CAPZA2: variants seen among roughly 807,000 people sequenced by gnomAD.
CAPZA2 encodes the protein F-actin-capping protein subunit alpha-2.
Under a neutral mutation model 44.0 loss-of-function variants are expected in CAPZA2, and 13 were observed. The ratio of observed to expected loss-of-function variants is 0.30; its 90% CI spans 0.19 to 0.47. CAPZA2 has a LOEUF of 0.47. CAPZA2 is among the 20% of genes least tolerant of loss of function. The pLI, the probability that CAPZA2 is intolerant of heterozygous loss-of-function variation, is 1.00. For synonymous variants in CAPZA2, 94 were observed against 108.2 expected, an observed-to-expected ratio of 0.87 and a Z score of 0.81; for missense variants, 244 against 338.6, an observed-to-expected ratio of 0.72 and a Z score of 2.19.
chr7:116,910,452 G>A, intron 7 of CAPZA2, 141 bp downstream of exon 7: 1 of 595,582 alleles, frequency 1.7e-6, no homozygotes, highest in Non-Finnish European at 3.0e-6. Context: ...AAACAATAGT[G>A]CTGTTTTAAA....
At chr7:116,894,225 G>A (rs1796894847) in intron 3 of CAPZA2, among the ~76,000 whole-genome samples, 1 of 152,132 alleles carries the variant, frequency 6.6e-6, no homozygotes, top group African/African-American at 2.4e-5. Context: ...AGCTGAGCAT[G>A]GTGGCACATT....
intron 9 of CAPZA2, 130 bp from the exon 10 acceptor site, chr7:116,917,597 A>AT (rs1791698483): frequency 1.4e-6 from 1 of 716,258 alleles, no homozygotes; most frequent in African/African-American, 1.8e-5. Context: ...CAATGTTGGG[A>AT]TTTTATTTGA....
intron 1 of CAPZA2, chr7:116,876,249 C>CA (rs34563707): frequency 0.29 from 25,638 of 88,780 alleles, 2,592 homozygotes; most frequent in East Asian, 0.39. Flanking sequence ...GACTCCATCT[C>CA]AAAAAAAAAA....
At chr7:116,876,952 G>A (rs571989588) in intron 1 of CAPZA2, among the ~76,000 whole-genome samples, 16 of 152,338 alleles carry the variant, frequency 1.1e-4, no homozygotes, top group Admixed American at 2.0e-4. Flanking sequence ...TTCTCAGGAC[G>A]TGATCCATTC....
At chr7:116,877,966 A>G (rs1299428803) in intron 1 of CAPZA2, among the ~76,000 whole-genome samples, 1 of 152,218 alleles carries the variant, frequency 6.6e-6, no homozygotes, top group African/African-American at 2.4e-5. Flanking sequence ...ATGGAATCAA[A>G]TAAAAGGGGA....
At chr7:116,903,505 A>G (rs1198405605) in intron 4 of CAPZA2, among the ~76,000 whole-genome samples, 1 of 152,188 alleles carries the variant, frequency 6.6e-6, no homozygotes, top group Non-Finnish European at 1.5e-5. Flanking sequence ...AAGTCCCGAC[A>G]TAGCTAAGGA....
chr7:116,916,044 T>TG lies in CAPZA2; in HGVS notation c.658-16_658-15insG. 4 of 900,864 alleles carry TG rather than the reference T, an allele frequency of 4.4e-6. No individual in the cohort carries two copies. The highest frequency in any genetic ancestry group is 2.1e-5 in the South Asian group (1 of 47,838). 55.8% of individuals were successfully genotyped at this position (900,864 alleles called of 1,614,324 possible). On this transcript the variant is annotated splice_polypyrimidine_tract_variant and intron_variant, in intron 8 of 9. Coordinates refer to ENST00000361183, the MANE Select transcript of CAPZA2 (RefSeq NM_006136.3). ...GTTTTAAATTACTATTTTTATTTTG[T>TG]TTTTTTTTTTTTCAGAATGAAGTGC...
At chr7:116,867,144 C>T (rs749110732) in intron 1 of CAPZA2, among the ~76,000 whole-genome samples, 4 of 152,092 alleles carry the variant, frequency 2.6e-5, no homozygotes, top group Non-Finnish European at 2.9e-5. Flanking sequence ...ATTAATACTT[C>T]GTTTATTATC....
At chr7:116,866,460 C>T (rs1584999507) in intron 1 of CAPZA2, among the ~76,000 whole-genome samples, 1 of 152,200 alleles carries the variant, frequency 6.6e-6, no homozygotes, top group Non-Finnish European at 1.5e-5. Context: ...CGTGAGCCAC[C>T]GTGCCCGGCC....
At chr7:116,877,397 TGAAGTGATATGGCAAGCGG>T (rs1282658974) in intron 1 of CAPZA2, among the ~76,000 whole-genome samples, 1 of 152,230 alleles carries the variant, frequency 6.6e-6, no homozygotes, top group Non-Finnish European at 1.5e-5. Context: ...ATCATGTATA[TGAAGTGATATGGCAAGCGG>T]GAAGACGAGA....
intron 2 of CAPZA2, among the ~76,000 whole-genome samples, 192 bp from the exon 3 acceptor site, chr7:116,892,801 AT>A (rs1385235334): frequency 6.7e-6 from 1 of 149,702 alleles, no homozygotes; most frequent in Non-Finnish European, 1.5e-5. Context: ...ATTCCCCTTC[AT>A]ATTTACTAAC....
At chr7:116,873,822 G>T (rs1225122367) in intron 1 of CAPZA2, 1 of 154,304 alleles carries the variant, frequency 6.5e-6, no homozygotes, top group East Asian at 1.9e-4. Flanking sequence ...TCCACCTGTG[G>T]TACTTCACCA....
chr7:116,880,258 G>A, intron 1 of CAPZA2: 1 of 341,174 alleles, frequency 2.9e-6, no homozygotes, highest in South Asian at 2.4e-5. Flanking sequence ...ATCATGAGTT[G>A]GTTCAAATAA....
In CAPZA2 at chr7:116,893,110, G is replaced by A. The variant is rs1033777422; in HGVS notation, c.155+65G>A. 5.8e-6 allele frequency: 6 copies of A among 1,033,726 alleles called. No homozygotes were observed. In the African/African-American group the frequency reaches 6.6e-5, roughly 11 times the overall value. The allele number at this position is 1,033,726 out of a possible 1,614,324, so 64.0% of individuals were successfully genotyped here. A position where few individuals can be genotyped will look rare whatever the true frequency, so the allele number is the denominator to read the frequency against. ...TGGGAAAACGAGAGATGCTTTAAAA[G>A]TGTGTGGGGGTTTTTTGTGGGTTTT... On this transcript the variant is annotated intron_variant, in intron 3 of 9. Coordinates refer to ENST00000361183, the MANE Select transcript of CAPZA2 (RefSeq NM_006136.3).
At chr7:116,898,695 G>T in intron 3 of CAPZA2, 77 bp from the exon 4 acceptor site, 1 of 875,760 alleles carries the variant, frequency 1.1e-6, no homozygotes. Flanking sequence ...CTTTATTGAT[G>T]GGTGAATTTT....
At chr7:116,880,258 G>T in intron 1 of CAPZA2, 1 of 341,174 alleles carries the variant, frequency 2.9e-6, no homozygotes, top group Non-Finnish European at 5.7e-6. Flanking sequence ...ATCATGAGTT[G>T]GTTCAAATAA....
At position 116,918,137 on chromosome 7, in the gene CAPZA2, G is replaced by T; in HGVS notation, c.*270G>T. 1 of 277,662 alleles carries T rather than the reference G, an allele frequency of 3.6e-6. No homozygotes were observed. The highest frequency in any genetic ancestry group is 6.9e-6 in the Non-Finnish European group (1 of 145,482). 17.2% of individuals were successfully genotyped at this position (277,662 alleles called of 1,614,324 possible). On this transcript the variant is annotated 3_prime_UTR_variant, in exon 10 of 10. Transcript: ENST00000361183. Reference sequence around the variant, plus strand: ...TGAAGAGATGATTCTTCTAGTTTATGGTTAAAAGTTTTTGAAGTGTCTCAA... The same window carrying T: ...TGAAGAGATGATTCTTCTAGTTTATTGTTAAAAGTTTTTGAAGTGTCTCAA...
intron 6 of CAPZA2, 194 bp downstream of exon 6, chr7:116,906,536 T>G: frequency 2.1e-6 from 2 of 942,134 alleles, no homozygotes; most frequent in Middle Eastern, 3.6e-4. Flanking sequence ...GTGGTAAATC[T>G]GTTGACATTC....
At chr7:116,871,593 A>G (rs1387375988) in intron 1 of CAPZA2, among the ~76,000 whole-genome samples, 1 of 152,228 alleles carries the variant, frequency 6.6e-6, no homozygotes, top group Non-Finnish European at 1.5e-5. Context: ...ACTGGAGTCT[A>G]TAATAAAAAG....
Sources: gnomAD v4.1 joint callset for allele counts (sites outside exome capture counted in the v4.1 genomes callset) on GRCh38, gnomAD v4.1.1 for gene constraint, MANE v1.5 for transcripts, NCBI Gene and HGNC (gene_info 2026-07-23, HGNC 2026-07-21) for gene names.